The following EIF4G3 variants were observed in gnomAD, a reference collection of about 807,000 sequenced individuals.
EIF4G3 encodes eIF-4-gamma 3.
A neutral mutation model predicts 186.4 loss-of-function variants in EIF4G3; 34 were observed. The observed-to-expected ratio is 0.18, with a 90% CI of 0.14 to 0.24. The LOEUF is 0.24. Among genes scored for constraint, EIF4G3 ranks in the 10% least tolerant of loss-of-function variants. The probability of loss-of-function intolerance (pLI) is 1.00; values close to 1 mark genes in which losing one functional copy is unlikely to be tolerated. For synonymous variants in EIF4G3, 673 were observed against 679.5 expected (o/e 0.99, Z 0.15); for missense variants, 1,536 against 1,948.5 (o/e 0.79, Z 3.99).
Position 20,895,571 on chromosome 1 carries a change from T to C in EIF4G3, c.2000-70A>G, listed in dbSNP as rs536807066. The C allele has an allele frequency of 2.8e-5, 42 of 1,507,690 alleles. No homozygotes were observed. The East Asian group carries it at 9.1e-4, about 33-fold the overall frequency. 93.4% of individuals were successfully genotyped at this position (1,507,690 alleles called of 1,614,324 possible). On this transcript the variant is annotated intron_variant, in intron 16 of 36. Transcript: ENST00000602326. Reference sequence around the variant, plus strand: ...TACAGTCATGCATTGCATAACGATGTTTCGATCAATAACAAACTGCATATA... The same window carrying C: ...TACAGTCATGCATTGCATAACGATGCTTCGATCAATAACAAACTGCATATA...
intron 2 of EIF4G3, among the ~76,000 whole-genome samples, chr1:21,103,090 A>C (rs2096555348): frequency 6.6e-6 from 1 of 152,330 alleles, no homozygotes; most frequent in African/African-American, 2.4e-5. Flanking sequence ...CTCATAGTAC[A>C]ATGTCTCACT....
intron 3 of EIF4G3, among the ~76,000 whole-genome samples, chr1:21,081,783 T>A (rs948122240): frequency 1.3e-5 from 2 of 151,954 alleles, no homozygotes; most frequent in East Asian, 3.9e-4. Context: ...CTGGGATTAC[T>A]GGCTCACGCC....
intron 5 of EIF4G3, among the ~76,000 whole-genome samples, 161 bp from the exon 6 acceptor site, chr1:21,001,473 A>C (rs1000061565): frequency 6.6e-6 from 1 of 152,246 alleles, no homozygotes; most frequent in African/African-American, 2.4e-5. Context: ...AGCTTACCAT[A>C]ATGTTCCATG....
intron 2 of EIF4G3, among the ~76,000 whole-genome samples, chr1:21,089,755 A>G (rs1447580049): frequency 6.6e-6 from 1 of 152,168 alleles, no homozygotes; most frequent in Non-Finnish European, 1.5e-5. Context: ...ACCAAAAAAA[A>G]AAAAAAGCCT....
intron 3 of EIF4G3, among the ~76,000 whole-genome samples, chr1:21,086,625 T>C (rs1178297173): frequency 1.3e-5 from 2 of 151,966 alleles, no homozygotes; most frequent in Non-Finnish European, 2.9e-5. Context: ...TAATCAAAGG[T>C]TCTTAATCTG....
At chr1:20,814,814 G>A (rs1359712070) in intron 34 of EIF4G3, among the ~76,000 whole-genome samples, 3 of 84,854 alleles carry the variant, frequency 3.5e-5, no homozygotes, top group Non-Finnish European at 4.5e-5. Flanking sequence ...CTCCTTCCAC[G>A]GTCTCCCTCT....
intron 33 of EIF4G3, among the ~76,000 whole-genome samples, chr1:20,821,227 C>A (rs1448864793): frequency 1.3e-5 from 2 of 152,156 alleles, no homozygotes; most frequent in Admixed American, 1.3e-4. Flanking sequence ...TCTCAGTCAA[C>A]TAAAAGTCAA....
chr1:21,048,331 ACT>A (rs2094011726), intron 4 of EIF4G3, among the ~76,000 whole-genome samples: 1 of 152,162 alleles, frequency 6.6e-6, no homozygotes, highest in African/African-American at 2.4e-5. Flanking sequence ...ATCAAAATTC[ACT>A]GTTTGCCTGT....
At chr1:20,813,284 C>T in intron 34 of EIF4G3, 45 bp from the exon 35 acceptor site, 1 of 1,460,998 alleles carries the variant, frequency 6.8e-7, no homozygotes, top group Non-Finnish European at 9.5e-7. Context: ...CCTTGCTCAG[C>T]CAGGCACAGA....
At chr1:20,813,036 G>T in intron 35 of EIF4G3, 122 bp downstream of exon 35, 1 of 663,630 alleles carries the variant, frequency 1.5e-6, no homozygotes, top group East Asian at 2.8e-5. Flanking sequence ...AAAGGACAGT[G>T]CACAGAAAAG....
At chr1:20,854,164 T>C (rs1399492417) in intron 26 of EIF4G3, among the ~76,000 whole-genome samples, 1 of 152,282 alleles carries the variant, frequency 6.6e-6, no homozygotes, top group East Asian at 1.9e-4. Context: ...GCTAGTAAGA[T>C]GTGTTTGTGA....
intron 7 of EIF4G3, among the ~76,000 whole-genome samples, chr1:20,989,071 GGGAGGGGAGGGGAGA>G (rs2080313668): frequency 4.3e-5 from 3 of 69,514 alleles, no homozygotes; most frequent in Non-Finnish European, 5.9e-5. Flanking sequence ...GGGAGGGGAG[GGGAGGGGAGGGGAGA>G]GGAGAGGAGA....
At chr1:21,072,456 T>G (rs2095471247) in intron 3 of EIF4G3, among the ~76,000 whole-genome samples, 1 of 152,144 alleles carries the variant, frequency 6.6e-6, no homozygotes, top group Non-Finnish European at 1.5e-5. Flanking sequence ...AAGGCTGGAG[T>G]GCAGTGGTGC....
chr1:20,860,594 T>C, intron 23 of EIF4G3, 77 bp from the exon 24 acceptor site: 1 of 1,500,982 alleles, frequency 6.7e-7, no homozygotes, highest in Non-Finnish European at 9.0e-7. Context: ...CAATTTTTAC[T>C]ACTGGAAAAG....
chr1:21,129,130 T>C (rs2097104348), intron 2 of EIF4G3, among the ~76,000 whole-genome samples: 1 of 151,800 alleles, frequency 6.6e-6, no homozygotes, highest in Non-Finnish European at 1.5e-5. Context: ...CTGGCCAACA[T>C]GGTGAAACCC....
At chr1:21,010,925 A>G (rs998327828) in intron 4 of EIF4G3, among the ~76,000 whole-genome samples, 1 of 152,198 alleles carries the variant, frequency 6.6e-6, no homozygotes. Flanking sequence ...TGATTATCAC[A>G]GTGTGGTCCA....
chr1:20,918,446 A>G (rs1385956364), intron 14 of EIF4G3, among the ~76,000 whole-genome samples: 4 of 152,112 alleles, frequency 2.6e-5, no homozygotes, highest in East Asian at 1.9e-4. Context: ...GGCCTCAAGC[A>G]ATCCTTCCGT....
chr1:21,050,479 AC>A (rs1184632276), intron 4 of EIF4G3, among the ~76,000 whole-genome samples: 2 of 152,218 alleles, frequency 1.3e-5, no homozygotes, highest in African/African-American at 2.4e-5. Flanking sequence ...AGGGGAAGAC[AC>A]CAAGTTTTCA....
intron 4 of EIF4G3, among the ~76,000 whole-genome samples, chr1:21,034,279 A>C (rs1362753794): frequency 6.6e-6 from 1 of 152,180 alleles, no homozygotes; most frequent in African/African-American, 2.4e-5. Flanking sequence ...TCTACCACAA[A>C]TATTGCTCTT....
Sources: gnomAD v4.1 joint callset for allele counts (sites outside exome capture counted in the v4.1 genomes callset) on GRCh38, gnomAD v4.1.1 for gene constraint, MANE v1.5 for transcripts, NCBI Gene and HGNC (gene_info 2026-07-23, HGNC 2026-07-21) for gene names.